Variants in ANKRD52 observed in about 807,000 individuals in gnomAD.
ANKRD52 encodes the protein serine/threonine-protein phosphatase 6 regulatory ankyrin repeat subunit C.
A neutral mutation model predicts 116.0 loss-of-function variants in ANKRD52; 7 were observed. That is an observed-to-expected ratio of 0.06 (90% CI 0.03 to 0.11). The LOEUF (loss-of-function observed/expected upper bound fraction) is 0.11. Ranked by LOEUF, ANKRD52 falls within the 10% of genes least tolerant of loss-of-function variation. ANKRD52 has a pLI of 1.00. For synonymous variants in ANKRD52, 528 were observed against 578.1 expected, an observed-to-expected ratio of 0.91 and a Z score of 1.24; for missense variants, 839 against 1,408.6, an observed-to-expected ratio of 0.60 and a Z score of 6.47.
rs757085023 is a variant in ANKRD52, at chr12:56,248,049, C to A, written c.1952G>T (p.Arg651Leu). Residue 651 changes from arginine (R) to leucine (L), a missense_variant, in exon 18 of 28, where the codon CGC (arginine) becomes CTC (leucine). Transcript: ENST00000267116. The surrounding 1 kb of genome is among the most constrained non-coding windows in gnomAD (Gnocchi z 5.1). ...GASALIKERK[R>L]KWTPLHAAAA... ...AGCAGCGTGCAGGGGTGTCCACTTG[C>A]GCTTGCGCTCCTTGATGAGGGCAGA... The A allele has an allele frequency of 6.2e-7, 1 of 1,607,672 alleles. No individual in the cohort carries two copies. The highest frequency in any genetic ancestry group is 8.5e-7 in the Non-Finnish European group (1 of 1,179,616).
Position 56,253,468 on chromosome 12 carries a change from G to A in ANKRD52, c.986-66C>T. 7.7e-7 allele frequency: 1 copy of A among 1,294,878 alleles called. No individual in the cohort carries two copies. The highest frequency in any genetic ancestry group is 1.1e-6 in the Non-Finnish European group (1 of 900,866). 80.2% of individuals were successfully genotyped at this position (1,294,878 alleles called of 1,614,324 possible). A position where few individuals can be genotyped will look rare whatever the true frequency, so the allele number is the denominator to read the frequency against. On this transcript the variant is annotated intron_variant, in intron 9 of 27. Transcript: ENST00000267116. This position sits in a 1 kb window ranked among gnomAD's most constrained non-coding sequence, Gnocchi z 5.5. ...GGCTTAAGACCACTTTCGCGAGCTA[G>A]CCATGATTTGAGTGCCTACTATGTA... is the stretch of plus-strand genomic sequence containing the variant.
In ANKRD52 at chr12:56,238,352, C is replaced by T. The variant is rs1871016924; in HGVS notation, c.*4790G>A. The T allele has an allele frequency of 6.6e-6, 1 of 152,658 alleles. No homozygotes were observed. The highest frequency in any genetic ancestry group is 2.1e-4 in the South Asian group (1 of 4,842). 9.5% of individuals were successfully genotyped at this position (152,658 alleles called of 1,614,324 possible). A position where few individuals can be genotyped will look rare whatever the true frequency, so the allele number is the denominator to read the frequency against. ...CAGGATGGTGGTGTCTGCAGCATCA[C>T]AGGTCATGCAGGGCATGGGGAAGGG... On this transcript the variant is annotated 3_prime_UTR_variant, in exon 28 of 28. Coordinates refer to ENST00000267116, the MANE Select transcript of ANKRD52 (RefSeq NM_173595.4).
Position 56,255,696 on chromosome 12 carries a change from G to C in ANKRD52, c.462+88C>G. ...AACCATCCGGGCTGCTTCTCCTTCA[G>C]GCTTGAGGGCCCAGAAGCAGGGAAA... On this transcript the variant is annotated intron_variant, in intron 5 of 27. Coordinates refer to ENST00000267116, the MANE Select transcript of ANKRD52 (RefSeq NM_173595.4). The surrounding 1 kb of genome is among the most constrained non-coding windows in gnomAD (Gnocchi z 4.3). 1 of 1,320,626 alleles carries C rather than the reference G, an allele frequency of 7.6e-7. No homozygotes were observed. The highest frequency in any genetic ancestry group is 2.6e-5 in the East Asian group (1 of 39,082). The allele number at this position is 1,320,626 out of a possible 1,614,324, so 81.8% of individuals were successfully genotyped here.
intron 1 of ANKRD52, 44 bp downstream of exon 1, chr12:56,258,199 C>A (rs1311183571): frequency 6.3e-7 from 1 of 1,588,348 alleles, no homozygotes; most frequent in Middle Eastern, 1.8e-4. Context: ...GACGGCAGCG[C>A]CGAGCCCTGG....
chr12:56,258,299 C>T lies in ANKRD52; in HGVS notation c.-30G>A. 2 of 1,542,996 alleles carry T rather than the reference C, an allele frequency of 1.3e-6. No individual in the cohort carries two copies. The highest frequency in any genetic ancestry group is 1.7e-6 in the Non-Finnish European group (2 of 1,148,172). On this transcript the variant is annotated 5_prime_UTR_variant, in exon 1 of 28. Coordinates refer to ENST00000267116, the MANE Select transcript of ANKRD52 (RefSeq NM_173595.4). ...CGGCCCGGGCTCCGTCCGCATCGAG[C>T]TCCCGGCGGCGGCGGCGGCGGCTCC...
intron 4 of ANKRD52, among the ~76,000 whole-genome samples, 178 bp downstream of exon 4, chr12:56,256,837 C>G (rs1280963044): frequency 6.6e-6 from 1 of 152,178 alleles, no homozygotes; most frequent in Non-Finnish European, 1.5e-5. Context: ...CAGCTGGCAG[C>G]ACTCAACCCC....
rs1871280088 is a variant in ANKRD52 at position 56,243,950 on chromosome 12, T to A, written c.2889-74A>T. 7 of 1,601,738 alleles carry A rather than the reference T, an allele frequency of 4.4e-6. No homozygotes were observed. The highest frequency in any genetic ancestry group is 1.7e-5 in the Admixed American group (1 of 58,992). ...CCTCCAGACAGGGTGGCAAGGGTGCTGAACAAATACAATGGGCTCCAGAGA... is the reference window on the plus strand; with the variant it reads ...CCTCCAGACAGGGTGGCAAGGGTGCAGAACAAATACAATGGGCTCCAGAGA... On this transcript the variant is annotated intron_variant, in intron 26 of 27. Transcript: ENST00000267116. This position sits in a 1 kb window ranked among gnomAD's most constrained non-coding sequence, Gnocchi z 4.6.
In ANKRD52 at chr12:56,254,489, C is replaced by T; in HGVS notation, c.693+89G>A. The T allele has an allele frequency of 3.2e-6, 5 of 1,546,072 alleles. No homozygotes were observed. Among genetic ancestry groups the T allele is most frequent in the Non-Finnish European group, 4.4e-6 (5 of 1,147,812 alleles). On this transcript the variant is annotated intron_variant, in intron 7 of 27. Coordinates refer to ENST00000267116, the MANE Select transcript of ANKRD52 (RefSeq NM_173595.4). The surrounding 1 kb of genome is among the most constrained non-coding windows in gnomAD (Gnocchi z 4.6). ...TCCTTCCAACTTCCCAAAACTATAC[C>T]AACATCCCAATACCTCATATCTCCG... is the stretch of plus-strand genomic sequence containing the variant.
chr12:56,244,010 T>G lies in ANKRD52; in HGVS notation c.2888+41A>C. ...CAGCGGCCACTCTTTCATCACCCAC[T>G]GGCCTCCCCCAGCCAGGAGCCCCCT... On this transcript the variant is annotated intron_variant, in intron 26 of 27. Coordinates refer to ENST00000267116, the MANE Select transcript of ANKRD52 (RefSeq NM_173595.4). The surrounding 1 kb of genome is among the most constrained non-coding windows in gnomAD (Gnocchi z 4.9). The G allele has an allele frequency of 6.2e-7, 1 of 1,610,216 alleles. No homozygotes were observed. The highest frequency in any genetic ancestry group is 1.1e-5 in the South Asian group (1 of 91,008).
chr12:56,253,046 G>T lies in ANKRD52; in HGVS notation c.1141C>A (p.Leu381Ile). 1 of 1,586,250 alleles carries T rather than the reference G, an allele frequency of 6.3e-7. No homozygotes were observed. Among genetic ancestry groups the T allele is most frequent in the South Asian group, 1.2e-5 (1 of 86,882 alleles). Reference protein sequence around the residue: ...HDMFPLHLAVLFGFSDCCRKL... With the variant: ...HDMFPLHLAVIFGFSDCCRKL... ...CGACAACAGTCAGAGAATCCAAAGA[G>T]AACAGCTAAGTGCAGGGGGAACATG... is the stretch of plus-strand genomic sequence containing the variant. Residue 381 changes from leucine to isoleucine, a missense_variant, in exon 11 of 28, where the codon CTC becomes ATC. By Grantham distance (5) the Leu-to-Ile change is conservative. Transcript: ENST00000267116. The surrounding 1 kb of genome is among the most constrained non-coding windows in gnomAD (Gnocchi z 5.5).
chr12:56,243,523 T>G lies in ANKRD52; in HGVS notation c.2981-131A>C, dbSNP rs1592386366. 1 of 1,335,482 alleles carries G rather than the reference T, an allele frequency of 7.5e-7. No individual in the cohort carries two copies. Among genetic ancestry groups the G allele is most frequent in the Non-Finnish European group, 1.0e-6 (1 of 990,572 alleles). 82.7% of individuals were successfully genotyped at this position (1,335,482 alleles called of 1,614,324 possible). A position where few individuals can be genotyped will look rare whatever the true frequency, so the allele number is the denominator to read the frequency against. Reference sequence around the variant, plus strand: ...ACCCAGCAGCGGCAGAATCCAAGGGTGACGAGGGCCCAGGAAGGCTGACAG... The same window carrying G: ...ACCCAGCAGCGGCAGAATCCAAGGGGGACGAGGGCCCAGGAAGGCTGACAG... On this transcript the variant is annotated intron_variant, in intron 27 of 27. Transcript: ENST00000267116. This position sits in a 1 kb window ranked among gnomAD's most constrained non-coding sequence, Gnocchi z 4.6.
chr12:56,245,266 A>T, intron 21 of ANKRD52, 76 bp from the exon 22 acceptor site: 1 of 1,600,858 alleles, frequency 6.2e-7, no homozygotes, highest in Non-Finnish European at 8.6e-7. Context: ...TTGACACTCC[A>T]TTCCACTTCC....
At chr12:56,257,142 C>A in intron 3 of ANKRD52, 57 bp from the exon 4 acceptor site, 3 of 1,581,928 alleles carry the variant, frequency 1.9e-6, no homozygotes, top group Non-Finnish European at 2.6e-6. Context: ...ATGAAGGAAG[C>A]CAGTAATCAG....
intron 2 of ANKRD52, 110 bp from the exon 3 acceptor site, chr12:56,257,471 G>T: frequency 2.0e-6 from 2 of 1,010,512 alleles, no homozygotes; most frequent in Non-Finnish European, 3.0e-6. Flanking sequence ...TCTTCCCATA[G>T]TTTCTGCAGC....
intron 18 of ANKRD52, 90 bp downstream of exon 18, chr12:56,247,930 TCTC>T (rs1871495491): frequency 7.1e-7 from 1 of 1,400,496 alleles, no homozygotes; most frequent in Admixed American, 2.0e-5. Flanking sequence ...AAGTCTCCAT[TCTC>T]CTCACCCTAC....
Position 56,243,283 on chromosome 12 carries a change from G to C in ANKRD52, c.3090C>G (p.Phe1030Leu). 3.7e-6 allele frequency: 6 copies of C among 1,614,042 alleles called. No individual in the cohort carries two copies. The highest frequency in any genetic ancestry group is 5.1e-6 in the Non-Finnish European group (6 of 1,179,892). ...TGCAGTTCTTGAGCAGGCTGAAGCT[G>C]AAAGGACTGACGGCGTCCTTGGGTG... is the stretch of plus-strand genomic sequence containing the variant. Reference protein sequence around the residue: ...PFPPKDAVSPFSFSLLKNCSI... With the variant: ...PFPPKDAVSPLSFSLLKNCSI... The change falls in exon 28 of 28, where the codon TTC becomes TTG. Residue 1030 changes from phenylalanine (F) to leucine (L), a missense_variant. By Grantham distance (22) the Phe-to-Leu change is conservative (BLOSUM62 0). Transcript: ENST00000267116. The surrounding 1 kb of genome is among the most constrained non-coding windows in gnomAD (Gnocchi z 4.6).
Position 56,252,236 on chromosome 12 carries a change from C to T in ANKRD52, c.1450G>A (p.Glu484Lys), listed in dbSNP as rs1162110948. ...TLVTAGAGVN[E>K]ADCKGCSPLH... ...GGAGAGCAGCCTTTACAGTCGGCCT[C>T]GTTGACACCTGCCCCAGCAGTCACC... Residue 484 changes from glutamate (E) to lysine (K), a missense_variant, in exon 14 of 28, where the codon GAG becomes AAG. Glu to Lys is a moderately conservative substitution (Grantham distance 56). This residue lies in a region of ANKRD52 where 552 missense variants were observed against 810.6 expected (regional missense o/e 0.68). Coordinates refer to ENST00000267116, the MANE Select transcript of ANKRD52 (RefSeq NM_173595.4). The surrounding 1 kb of genome is among the most constrained non-coding windows in gnomAD (Gnocchi z 4.7). The T allele has an allele frequency of 6.2e-6, 10 of 1,613,932 alleles. No individual in the cohort carries two copies. Among genetic ancestry groups the T allele is most frequent in the South Asian group, 1.1e-5 (1 of 91,086 alleles).
rs1871934807 is a variant in ANKRD52, at chr12:56,255,997, AG to A, written c.262-14del. 1 of 1,550,760 alleles carries A rather than the reference AG, an allele frequency of 6.4e-7. No homozygotes were observed. Among genetic ancestry groups the A allele is most frequent in the African/African-American group, 1.4e-5 (1 of 73,344 alleles). On this transcript the variant is annotated splice_polypyrimidine_tract_variant and intron_variant, in intron 4 of 27. Coordinates refer to ENST00000267116, the MANE Select transcript of ANKRD52 (RefSeq NM_173595.4). This position sits in a 1 kb window ranked among gnomAD's most constrained non-coding sequence, Gnocchi z 4.3. ...GCCCCAGCACCTTCTGTTGAGGGGC[AG>A]GGGACAAAAGAGAGAGTGGGAGCAG...
chr12:56,244,208 G>GT lies in ANKRD52; in HGVS notation c.2806-76dup. Reference sequence around the variant, plus strand: ...GGGTGCAGGGCAGGAGTTGGGGAGAGTAACAGGAGGACAAACAGCTGCCCA... The same window carrying GT: ...GGGTGCAGGGCAGGAGTTGGGGAGAGTTAACAGGAGGACAAACAGCTGCCCA... On this transcript the variant is annotated intron_variant, in intron 25 of 27. Transcript: ENST00000267116. The surrounding 1 kb of genome is among the most constrained non-coding windows in gnomAD (Gnocchi z 4.9). 1 of 1,563,226 alleles carries GT rather than the reference G, an allele frequency of 6.4e-7. No individual in the cohort carries two copies. Among genetic ancestry groups the GT allele is most frequent in the Non-Finnish European group, 8.8e-7 (1 of 1,135,114 alleles).
Sources: allele counts gnomAD v4.1 joint callset (sites outside exome capture counted in the v4.1 genomes callset), GRCh38; gene constraint gnomAD v4.1.1; regional missense constraint gnomAD v4.1.1; non-coding constraint Gnocchi (gnomAD v3.1); transcripts MANE v1.5; gene names NCBI Gene and HGNC (gene_info 2026-07-23, HGNC 2026-07-21).